The following SPAG16 variants were observed in gnomAD, a reference collection of about 807,000 sequenced individuals.
SPAG16 encodes sperm-associated antigen 16 protein.
SPAG16 carries 86 observed loss-of-function variants against 80.4 expected under a neutral mutation model. The observed-to-expected ratio is 1.07, with a 90% CI of 0.90 to 1.28. The LOEUF (loss-of-function observed/expected upper bound fraction) is 1.28, where lower values mean the gene tolerates loss of function less well. Ranked by LOEUF, SPAG16 falls within the 50% of genes most tolerant of loss-of-function variation. The pLI, the probability that SPAG16 is intolerant of heterozygous loss-of-function variation, is 0.00. For synonymous variants in SPAG16, 294 were observed against 265.9 expected, an observed-to-expected ratio of 1.11 and a Z score of -1.03; for missense variants, 870 against 765.3, an observed-to-expected ratio of 1.14 and a Z score of -1.61.
intron 12 of SPAG16, among the ~76,000 whole-genome samples, chr2:214,001,726 T>TA (rs1199460774): frequency 6.6e-6 from 1 of 152,156 alleles, no homozygotes; most frequent in African/African-American, 2.4e-5. Context: ...CTAAACTCTG[T>TA]AAAAAATCTG....
intron 5 of SPAG16, among the ~76,000 whole-genome samples, chr2:213,324,099 C>T (rs532903945): frequency 6.6e-6 from 1 of 152,152 alleles, no homozygotes; most frequent in African/African-American, 2.4e-5. Flanking sequence ...CTTAAAAATT[C>T]GTTAAGAGGG....
chr2:213,814,136 C>T (rs1015899340), intron 10 of SPAG16, among the ~76,000 whole-genome samples: 11 of 152,162 alleles, frequency 7.2e-5, no homozygotes, highest in South Asian at 2.1e-4. Context: ...ATCAGGCTGA[C>T]GGGGTAGAAA....
At chr2:214,258,483 A>ATATATATATATG (rs1553539137) in intron 15 of SPAG16, among the ~76,000 whole-genome samples, 1 of 148,742 alleles carries the variant, frequency 6.7e-6, no homozygotes, top group East Asian at 2.0e-4. Flanking sequence ...ATATATATAT[A>ATATATATATATG]TATATATACA....
At chr2:213,840,640 C>A (rs1355030695) in intron 10 of SPAG16, among the ~76,000 whole-genome samples, 4 of 152,000 alleles carry the variant, frequency 2.6e-5, no homozygotes, top group Non-Finnish European at 5.9e-5. Context: ...GGGAGACGAC[C>A]AGTTAGAGAA....
chr2:214,240,203 C>A (rs1257758294), intron 15 of SPAG16: 2 of 152,238 alleles, frequency 1.3e-5, no homozygotes, highest in Non-Finnish European at 2.9e-5. Context: ...TTGTCCATAT[C>A]ACCTCTAATC....
chr2:213,327,151 T>C (rs2063878021), intron 5 of SPAG16, among the ~76,000 whole-genome samples: 1 of 92,534 alleles, frequency 1.1e-5, no homozygotes. Context: ...TGAAACAATG[T>C]CTGTTTGCTG....
intron 10 of SPAG16, among the ~76,000 whole-genome samples, chr2:213,676,904 A>C (rs1230145358): frequency 1.3e-5 from 2 of 150,944 alleles, no homozygotes; most frequent in African/African-American, 4.9e-5. Context: ...TCATAAAATG[A>C]GTTAGGGAGG....
Position 213,703,610 on chromosome 2 carries a change from C to T in SPAG16, c.1071-158875C>T, listed in dbSNP as rs148401556. On this transcript the variant is annotated intron_variant, in intron 10 of 15. Transcript: ENST00000331683. ...ATGTGGCAGACACCACAGAGATGCA[C>T]CAATCAGCTCCCCTTTCAAGAAAAG... Among the ~76,000 whole-genome samples, 22 of 152,282 alleles carry T rather than the reference C, an allele frequency of 1.4e-4. No individual in the cohort carries two copies. The East Asian group carries it at 4.2e-3, about 29-fold the overall frequency.
intron 10 of SPAG16, among the ~76,000 whole-genome samples, chr2:213,637,070 A>G (rs2062390088): frequency 6.6e-6 from 1 of 152,244 alleles, no homozygotes; most frequent in Non-Finnish European, 1.5e-5. Flanking sequence ...TCCTTGTTCA[A>G]TATAATGTTG....
At chr2:213,552,328 C>A (rs2076802984) in intron 10 of SPAG16, among the ~76,000 whole-genome samples, 1 of 152,166 alleles carries the variant, frequency 6.6e-6, no homozygotes, top group African/African-American at 2.4e-5. Context: ...CACCAACCAA[C>A]AACAAATATC....
At chr2:213,489,158 A>G (rs1295955583) in intron 9 of SPAG16, among the ~76,000 whole-genome samples, 1 of 152,128 alleles carries the variant, frequency 6.6e-6, no homozygotes, top group African/African-American at 2.4e-5. Flanking sequence ...AAATGGGTGC[A>G]AAAATTCATG....
chr2:213,860,115 G>C (rs2075357948), intron 10 of SPAG16, among the ~76,000 whole-genome samples: 1 of 151,966 alleles, frequency 6.6e-6, no homozygotes, highest in Admixed American at 6.6e-5. Context: ...CCTCCCACAG[G>C]AGTGATTTGA....
intron 15 of SPAG16, among the ~76,000 whole-genome samples, chr2:214,338,690 C>T (rs1697465249): frequency 6.6e-6 from 1 of 152,090 alleles, no homozygotes; most frequent in Admixed American, 6.5e-5. Flanking sequence ...AGCCACAATT[C>T]TATCAGCTTT....
At chr2:213,553,461 A>G (rs6756956) in intron 10 of SPAG16, among the ~76,000 whole-genome samples, 12,235 of 152,172 alleles carry the variant, frequency 0.08, 1,211 homozygotes, top group African/African-American at 0.23. Context: ...CACAGAGAAC[A>G]CAGGCATCTC....
intron 10 of SPAG16, among the ~76,000 whole-genome samples, chr2:213,781,253 G>C (rs2069944574): frequency 6.6e-6 from 1 of 152,096 alleles, no homozygotes; most frequent in Admixed American, 6.5e-5. Flanking sequence ...GTTTGTCTAA[G>C]TCTTCTCCAT....
At chr2:213,465,788 T>C (rs1482290309) in intron 9 of SPAG16, among the ~76,000 whole-genome samples, 1 of 152,174 alleles carries the variant, frequency 6.6e-6, no homozygotes, top group Non-Finnish European at 1.5e-5. Flanking sequence ...AGTTCCTTGC[T>C]CAAGTAGCCC....
chr2:213,284,468 GC>G lies in SPAG16; in HGVS notation c.-13del. 1 of 1,555,746 alleles carries G rather than the reference GC, an allele frequency of 6.4e-7. No homozygotes were observed. The highest frequency in any genetic ancestry group is 8.7e-7 in the Non-Finnish European group (1 of 1,150,824). ...GGCTGTGGGCCTGCTGGGGGTGGGG[GC>G]CCGAAGCGCCAGAGATGGCTGCTCA... On this transcript the variant is annotated 5_prime_UTR_variant, in exon 1 of 16. Transcript: ENST00000331683.
intron 13 of SPAG16, among the ~76,000 whole-genome samples, chr2:214,090,168 G>C (rs2052077356): frequency 6.6e-6 from 1 of 151,816 alleles, no homozygotes; most frequent in East Asian, 1.9e-4. Context: ...GTGTGATGAT[G>C]GTGATAAAGG....
intron 10 of SPAG16, among the ~76,000 whole-genome samples, chr2:213,802,282 G>A (rs2071458985): frequency 1.3e-5 from 2 of 152,104 alleles, no homozygotes; most frequent in Admixed American, 6.6e-5. Flanking sequence ...CCAAAGAGGA[G>A]GTGTTAGAGA....
Sources: allele counts gnomAD v4.1 joint callset (sites outside exome capture counted in the v4.1 genomes callset), GRCh38; gene constraint gnomAD v4.1.1; transcripts MANE v1.5; gene names NCBI Gene and HGNC (gene_info 2026-07-23, HGNC 2026-07-21).